FRAS1: variants seen among roughly 807,000 people sequenced by gnomAD.
The protein encoded by FRAS1 is Fraser extracellular matrix complex subunit 1.
Under a neutral mutation model 435.2 loss-of-function variants are expected in FRAS1, and 290 were observed. That is an observed-to-expected ratio of 0.67 (90% CI 0.61 to 0.73). The LOEUF is 0.73. Ranked by LOEUF, FRAS1 falls within the 30% of genes least tolerant of loss-of-function variation. FRAS1 has a pLI of 0.00. For missense variants in FRAS1, 4,860 were observed against 5,001.5 expected, an observed-to-expected ratio of 0.97 and a Z score of 0.85; for synonymous variants, 1,800 against 1,851.0, an observed-to-expected ratio of 0.97 and a Z score of 0.71.
intron 2 of FRAS1, among the ~76,000 whole-genome samples, chr4:78,086,015 A>G (rs1741140707): frequency 6.6e-6 from 1 of 152,168 alleles, no homozygotes; most frequent in Admixed American, 6.5e-5. Flanking sequence ...AATTGACCAC[A>G]TAGTTGGAAG....
chr4:78,412,247 C>T (rs1326321071), intron 31 of FRAS1, among the ~76,000 whole-genome samples: 2 of 150,714 alleles, frequency 1.3e-5, no homozygotes, highest in African/African-American at 5.0e-5. Context: ...AACTCAGCCG[C>T]CTGCCATATG....
intron 20 of FRAS1, among the ~76,000 whole-genome samples, chr4:78,355,461 C>T (rs986942244): frequency 2.0e-5 from 3 of 152,024 alleles, no homozygotes; most frequent in Non-Finnish European, 2.9e-5. Flanking sequence ...TGAGTAGTAG[C>T]GGGAGGAATC....
intron 3 of FRAS1, among the ~76,000 whole-genome samples, chr4:78,240,241 T>C (rs1021233146): frequency 1.3e-5 from 2 of 152,150 alleles, no homozygotes; most frequent in Non-Finnish European, 2.9e-5. Flanking sequence ...AAAAAAAGTA[T>C]CTCTGGTTTT....
rs551232388 is a variant in FRAS1 at position 78,293,022 on chromosome 4, T to C, written c.1534+6483T>C. Reference sequence around the variant, plus strand: ...TTCGATTCTGTTCATGCATAAATATTTGTGGAGCCTCTTCTATGTACCACG... The same window carrying C: ...TTCGATTCTGTTCATGCATAAATATCTGTGGAGCCTCTTCTATGTACCACG... On this transcript the variant is annotated intron_variant, in intron 14 of 73. Coordinates refer to ENST00000512123, the MANE Select transcript of FRAS1 (RefSeq NM_025074.7). Among the ~76,000 whole-genome samples the C allele has an allele frequency of 2.6e-4, 40 of 152,328 alleles. 1 individual carries two copies. The highest frequency in any genetic ancestry group is 6.8e-3 in the Middle Eastern group (2 of 294).
chr4:78,134,359 C>T (rs1415822486), intron 2 of FRAS1, among the ~76,000 whole-genome samples: 1 of 152,054 alleles, frequency 6.6e-6, no homozygotes, highest in Non-Finnish European at 1.5e-5. Context: ...TGTCCATTTA[C>T]TCAAGTTTAT....
intron 20 of FRAS1, among the ~76,000 whole-genome samples, chr4:78,362,923 A>G (rs774167316): frequency 1.3e-5 from 2 of 152,190 alleles, no homozygotes; most frequent in Non-Finnish European, 2.9e-5. Context: ...AAAAAGCAAC[A>G]TTCAATTGGT....
At chr4:78,258,066 CA>C (rs1725870726) in intron 6 of FRAS1, among the ~76,000 whole-genome samples, 1 of 152,074 alleles carries the variant, frequency 6.6e-6, no homozygotes, top group South Asian at 2.1e-4. Context: ...ATGAGCCAGG[CA>C]TGGTGGTTCA....
At chr4:78,312,402 C>CTA (rs956129785) in intron 15 of FRAS1, among the ~76,000 whole-genome samples, 9 of 152,000 alleles carry the variant, frequency 5.9e-5, no homozygotes, top group African/African-American at 2.2e-4. Flanking sequence ...CACTATCAAA[C>CTA]TTTTTTTCAT....
chr4:78,358,448 G>A (rs762279912), intron 20 of FRAS1, among the ~76,000 whole-genome samples: 4 of 152,134 alleles, frequency 2.6e-5, no homozygotes, highest in African/African-American at 4.8e-5. Context: ...CATGCTTGTA[G>A]TGGTTAAAAT....
At chr4:78,362,718 G>A (rs345543) in intron 20 of FRAS1, among the ~76,000 whole-genome samples, 22,582 of 152,174 alleles carry the variant, frequency 0.15, 2,049 homozygotes, top group African/African-American at 0.26. Flanking sequence ...GATGGTGAAA[G>A]TGGAGAATTT....
intron 2 of FRAS1, among the ~76,000 whole-genome samples, chr4:78,072,532 C>G (rs1740409722): frequency 6.6e-6 from 1 of 152,132 alleles, no homozygotes; most frequent in African/African-American, 2.4e-5. Context: ...TCTTGAACTT[C>G]TCCAGCAGTG....
chr4:78,464,287 C>T (rs1392778972), intron 48 of FRAS1, 142 bp downstream of exon 48: 1 of 1,367,604 alleles, frequency 7.3e-7, no homozygotes, highest in Non-Finnish European at 9.9e-7. Flanking sequence ...CCTCTGTAGC[C>T]ACCTTGGCTC....
intron 4 of FRAS1, among the ~76,000 whole-genome samples, chr4:78,248,869 A>G (rs1307525872): frequency 2.0e-5 from 3 of 151,514 alleles, no homozygotes; most frequent in Admixed American, 6.6e-5. Context: ...GCTTCTGCCC[A>G]GTGTCAAGAT....
chr4:78,098,174 C>T (rs1266686759), intron 2 of FRAS1, among the ~76,000 whole-genome samples: 2 of 152,006 alleles, frequency 1.3e-5, no homozygotes, highest in Admixed American at 6.5e-5. Flanking sequence ...CTTGGGTCCT[C>T]TTTTGCCTTT....
At chr4:78,214,764 G>A (rs1723679220) in intron 2 of FRAS1, among the ~76,000 whole-genome samples, 1 of 152,006 alleles carries the variant, frequency 6.6e-6, no homozygotes, top group South Asian at 2.1e-4. Flanking sequence ...TTACCTGGCT[G>A]TTGCTGGCTG....
intron 2 of FRAS1, among the ~76,000 whole-genome samples, chr4:78,101,779 A>G (rs1463321683): frequency 6.6e-6 from 1 of 152,220 alleles, no homozygotes; most frequent in Non-Finnish European, 1.5e-5. Context: ...AGAAGAAATA[A>G]TTTTGACCTG....
At position 78,515,827 on chromosome 4, in the gene FRAS1, T is replaced by C. The variant is rs1232234368; in HGVS notation, c.10203T>C (p.Tyr3401=). Residue 3401 remains tyrosine (Y), a synonymous_variant, in exon 66 of 74, where the codon TAT becomes TAC. Coordinates refer to ENST00000512123, the MANE Select transcript of FRAS1 (RefSeq NM_025074.7). Reference sequence around the variant, plus strand: ...CAGGGTTCCTGGATGATGTGGTCTATGATAGCACTGCCCTGGGGCCTGGCT... The same window carrying C: ...CAGGGTTCCTGGATGATGTGGTCTACGATAGCACTGCCCTGGGGCCTGGCT... ...SEAGFLDDVV[Y]DSTALGPGYD... 7 of 1,614,020 alleles carry C rather than the reference T, an allele frequency of 4.3e-6. No individual in the cohort carries two copies. The highest frequency in any genetic ancestry group is 5.9e-6 in the Non-Finnish European group (7 of 1,179,892).
intron 2 of FRAS1, among the ~76,000 whole-genome samples, chr4:78,198,619 G>A (rs1722920325): frequency 6.6e-6 from 1 of 152,142 alleles, no homozygotes; most frequent in African/African-American, 2.4e-5. Flanking sequence ...ATCTTAACTT[G>A]TTTCCACTAC....
At position 78,508,929 on chromosome 4, in the gene FRAS1, C is replaced by G; in HGVS notation, c.9703C>G (p.Pro3235Ala). 1.7e-5 allele frequency: 28 copies of G among 1,613,956 alleles called. No homozygotes were observed. Among genetic ancestry groups the G allele is most frequent in the Non-Finnish European group, 2.4e-5 (28 of 1,179,880 alleles). ...GCAGTTCAGCTGGGAAGTGGCTGCC[C>G]CCACTGATGGCAATGGGGCCCGGTC... ...SVQFSWEVAA[P>A]TDGNGARSPF... Residue 3235 changes from proline to alanine, a missense_variant, in exon 63 of 74, where the codon CCC becomes GCC. By Grantham distance (27) the Pro-to-Ala change is conservative. Coordinates refer to ENST00000512123, the MANE Select transcript of FRAS1 (RefSeq NM_025074.7).
Sources: allele counts gnomAD v4.1 joint callset (sites outside exome capture counted in the v4.1 genomes callset), GRCh38; gene constraint gnomAD v4.1.1; transcripts MANE v1.5; gene names NCBI Gene and HGNC (gene_info 2026-07-23, HGNC 2026-07-21).